HIVEP2: variants seen among roughly 807,000 people sequenced by gnomAD.
HIVEP2 encodes the protein HIVEP zinc finger 2.
A neutral mutation model predicts 180.7 loss-of-function variants in HIVEP2; 14 were observed. The observed-to-expected ratio is 0.08, with a 90% confidence interval of 0.05 to 0.12. HIVEP2 has a LOEUF of 0.12. Ranked by LOEUF, HIVEP2 falls within the 10% of genes least tolerant of loss-of-function variation. HIVEP2 has a pLI of 1.00. For missense variants in HIVEP2, 2,579 were observed against 3,008.5 expected, an observed-to-expected ratio of 0.86 and a Z score of 3.34; for synonymous variants, 1,184 against 1,136.4, an observed-to-expected ratio of 1.04 and a Z score of -0.84.
chr6:142,826,470 AG>A (rs1240896769), intron 2 of HIVEP2, among the ~76,000 whole-genome samples: 1 of 152,220 alleles, frequency 6.6e-6, no homozygotes, highest in Non-Finnish European at 1.5e-5. Context: ...GAATTCCCTG[AG>A]GATATTTACA....
chr6:142,806,067 T>A (rs1333635103), intron 2 of HIVEP2, among the ~76,000 whole-genome samples: 1 of 152,078 alleles, frequency 6.6e-6, no homozygotes, highest in Admixed American at 6.6e-5. Context: ...TTTAAAAAAT[T>A]TCATCATCAA....
At chr6:142,809,660 C>T (rs1776640434) in intron 2 of HIVEP2, among the ~76,000 whole-genome samples, 1 of 152,148 alleles carries the variant, frequency 6.6e-6, no homozygotes, top group African/African-American at 2.4e-5. Context: ...GTGGCACGAT[C>T]TCAGCTCACT....
At chr6:142,873,091 T>TA (rs776651599) in intron 1 of HIVEP2, among the ~76,000 whole-genome samples, 30 of 152,298 alleles carry the variant, frequency 2.0e-4, no homozygotes, top group Non-Finnish European at 2.5e-4. Context: ...AACCCTTTTT[T>TA]ACAGACACCA....
chr6:142,882,255 T>G (rs898729440), intron 1 of HIVEP2, among the ~76,000 whole-genome samples: 3 of 152,192 alleles, frequency 2.0e-5, no homozygotes, highest in Non-Finnish European at 4.4e-5. Flanking sequence ...GGATAATCAC[T>G]AAGAAGAATT....
intron 2 of HIVEP2, among the ~76,000 whole-genome samples, chr6:142,801,078 C>T (rs1190136326): frequency 6.6e-6 from 1 of 151,404 alleles, no homozygotes; most frequent in Admixed American, 6.6e-5. Flanking sequence ...CCAGGGTAGC[C>T]CATGTGATGG....
intron 2 of HIVEP2, among the ~76,000 whole-genome samples, chr6:142,793,281 T>C (rs1035880035): frequency 6.6e-6 from 1 of 152,194 alleles, no homozygotes; most frequent in East Asian, 1.9e-4. Flanking sequence ...TCTACATAAC[T>C]ACCTAGAGTA....
chr6:142,799,492 A>G (rs758848533), intron 2 of HIVEP2, among the ~76,000 whole-genome samples: 1 of 152,138 alleles, frequency 6.6e-6, no homozygotes, highest in Non-Finnish European at 1.5e-5. Context: ...AGCATCAGGC[A>G]TTATCTCTTC....
chr6:142,775,505 A>G (rs1335850247), intron 4 of HIVEP2, among the ~76,000 whole-genome samples: 1 of 152,140 alleles, frequency 6.6e-6, no homozygotes, highest in Non-Finnish European at 1.5e-5. Flanking sequence ...AAAGTGTATT[A>G]CATATCTCTA....
intron 1 of HIVEP2, among the ~76,000 whole-genome samples, chr6:142,875,292 G>C (rs898669447): frequency 1.3e-5 from 2 of 152,116 alleles, no homozygotes; most frequent in African/African-American, 2.4e-5. Context: ...GCAAGTTTAA[G>C]GAACAGAATG....
chr6:142,801,413 CAAAAA>C (rs10569495), intron 2 of HIVEP2, among the ~76,000 whole-genome samples: 5 of 102,872 alleles, frequency 4.9e-5, no homozygotes, highest in Admixed American at 1.0e-4. Context: ...GACTCTGTCT[CAAAAA>C]AAAAAAAAAA....
chr6:142,832,456 C>A (rs568521446), intron 2 of HIVEP2, among the ~76,000 whole-genome samples: 1 of 151,876 alleles, frequency 6.6e-6, no homozygotes, highest in South Asian at 2.1e-4. Context: ...AGGGGTGATG[C>A]GGGCAAAGGA....
At chr6:142,911,807 T>C (rs569933521) in intron 1 of HIVEP2, among the ~76,000 whole-genome samples, 1 of 152,288 alleles carries the variant, frequency 6.6e-6, no homozygotes, top group South Asian at 2.1e-4. Flanking sequence ...GTGTGCATGA[T>C]ATGTGTGCAT....
intron 1 of HIVEP2, among the ~76,000 whole-genome samples, chr6:142,907,448 G>A (rs1321059271): frequency 1.3e-5 from 2 of 152,148 alleles, no homozygotes; most frequent in African/African-American, 2.4e-5. Context: ...GGGGAAGAAA[G>A]GGTCAAAGCA....
At position 142,787,012 on chromosome 6, in the gene HIVEP2, C is replaced by T. The variant is rs1264727988; in HGVS notation, c.-527-3397G>A. 2.6e-5 allele frequency among the ~76,000 whole-genome samples: 4 copies of T among 152,060 alleles called. No homozygotes were observed. The East Asian group carries it at 7.7e-4, about 29-fold the overall frequency. On this transcript the variant is annotated intron_variant, in intron 2 of 9. Coordinates refer to ENST00000367603, the MANE Select transcript of HIVEP2 (RefSeq NM_006734.4). ...TATTGGCTGGATGTAGTGGCTCACA[C>T]CTGTAATCCCAGCACTTTGGGAGGA...
chr6:142,865,429 T>C (rs1333510937), intron 1 of HIVEP2, among the ~76,000 whole-genome samples: 1 of 123,682 alleles, frequency 8.1e-6, no homozygotes, highest in Admixed American at 7.7e-5. Flanking sequence ...GGTCTGAAAC[T>C]GAGAAGAAAA....
intron 1 of HIVEP2, among the ~76,000 whole-genome samples, chr6:142,906,041 G>C (rs1419805934): frequency 2.6e-5 from 4 of 152,176 alleles, no homozygotes; most frequent in Non-Finnish European, 5.9e-5. Context: ...GGCTGAGGCA[G>C]GAGAACTGCT....
intron 1 of HIVEP2, among the ~76,000 whole-genome samples, chr6:142,874,514 A>G (rs761416360): frequency 6.6e-6 from 1 of 152,170 alleles, no homozygotes; most frequent in Non-Finnish European, 1.5e-5. Context: ...AGTATATCCT[A>G]TATGCTATCA....
At chr6:142,862,928 ATTG>A (rs1295743257) in intron 1 of HIVEP2, among the ~76,000 whole-genome samples, 1 of 136,878 alleles carries the variant, frequency 7.3e-6, no homozygotes, top group African/African-American at 2.7e-5. Context: ...AATGTAATAT[ATTG>A]TACTTTACAT....
At chr6:142,813,204 A>G (rs1443481056) in intron 2 of HIVEP2, among the ~76,000 whole-genome samples, 1 of 152,238 alleles carries the variant, frequency 6.6e-6, no homozygotes, top group African/African-American at 2.4e-5. Flanking sequence ...TACATCAATA[A>G]TGAAAACCCA....
Sources: allele counts gnomAD v4.1 joint callset (sites outside exome capture counted in the v4.1 genomes callset), GRCh38; gene constraint gnomAD v4.1.1; transcripts MANE v1.5; gene names NCBI Gene and HGNC (gene_info 2026-07-23, HGNC 2026-07-21).